FBXW11: variants seen among roughly 807,000 people sequenced by gnomAD.
FBXW11 encodes the protein F-box/WD repeat-containing protein 11.
Under a neutral mutation model 77.6 loss-of-function variants are expected in FBXW11, and 19 were observed. That is an observed-to-expected ratio of 0.24 (90% CI 0.17 to 0.36). FBXW11 has a LOEUF of 0.36. Ranked by LOEUF, FBXW11 falls within the 10% of genes least tolerant of loss-of-function variation. The pLI is 1.00. For synonymous variants in FBXW11, 235 were observed against 249.4 expected, an observed-to-expected ratio of 0.94 and a Z score of 0.54; for missense variants, 334 against 704.2, an observed-to-expected ratio of 0.47 and a Z score of 5.95.
chr5:171,960,735 TC>T (rs1367559104), intron 1 of FBXW11, among the ~76,000 whole-genome samples: 1 of 152,226 alleles, frequency 6.6e-6, no homozygotes, highest in East Asian at 1.9e-4. Flanking sequence ...AATGATATTA[TC>T]AAGGCTTTTT....
chr5:171,916,839 A>C (rs1049661575), intron 2 of FBXW11, among the ~76,000 whole-genome samples: 1 of 152,116 alleles, frequency 6.6e-6, no homozygotes, highest in Non-Finnish European at 1.5e-5. Flanking sequence ...TCCCCACCCC[A>C]TGTCTCCAGG....
chr5:171,890,637 C>T (rs1759283542), intron 7 of FBXW11, among the ~76,000 whole-genome samples: 1 of 152,092 alleles, frequency 6.6e-6, no homozygotes, highest in Admixed American at 6.5e-5. Flanking sequence ...ACGCAATGAA[C>T]TAAAAATTTA....
In FBXW11 at chr5:171,899,951, C is replaced by T; in HGVS notation, c.586G>A (p.Asp196Asn). ...KKLIERMVRT[D>N]PLWKGLSERR... ...TCTGAAAGTCCTTTCCATAGGGGATCAGTGCGTACCATTCGTTCAATCAGC... is the reference window on the plus strand; with the variant it reads ...TCTGAAAGTCCTTTCCATAGGGGATTAGTGCGTACCATTCGTTCAATCAGC... Residue 196 changes from aspartate to asparagine, a missense_variant, in exon 5 of 14, where the codon GAT (aspartate) becomes AAT (asparagine). Asp to Asn is a conservative substitution (Grantham distance 23). Coordinates refer to ENST00000517395, the MANE Select transcript of FBXW11 (RefSeq NM_001378974.1). The T allele has an allele frequency of 6.2e-7, 1 of 1,612,438 alleles. No homozygotes were observed. Among genetic ancestry groups the T allele is most frequent in the Non-Finnish European group, 8.5e-7 (1 of 1,179,116 alleles).
chr5:171,877,990 C>A, intron 8 of FBXW11, 21 bp downstream of exon 8: 1 of 1,567,892 alleles, frequency 6.4e-7, no homozygotes, highest in Non-Finnish European at 8.8e-7. Flanking sequence ...AAGTTAAGAA[C>A]AATGAAGCCA....
intron 1 of FBXW11, among the ~76,000 whole-genome samples, chr5:171,992,690 G>C (rs981632991): frequency 6.6e-6 from 1 of 151,938 alleles, no homozygotes; most frequent in African/African-American, 2.4e-5. Context: ...TATACTCTGA[G>C]TAATCATGTA....
chr5:171,987,560 C>G (rs979649251), intron 1 of FBXW11, among the ~76,000 whole-genome samples: 6 of 152,048 alleles, frequency 3.9e-5, no homozygotes, highest in Admixed American at 2.0e-4. Flanking sequence ...AAGCGATTCT[C>G]TTTGCCTCAG....
At chr5:172,005,740 T>G (rs1330825846) in intron 1 of FBXW11, among the ~76,000 whole-genome samples, 1 of 152,090 alleles carries the variant, frequency 6.6e-6, no homozygotes, top group Non-Finnish European at 1.5e-5. Flanking sequence ...AAAGCAGCTC[T>G]GGAAAACGTG....
At chr5:171,984,085 C>T (rs1158021606) in intron 1 of FBXW11, among the ~76,000 whole-genome samples, 1 of 151,872 alleles carries the variant, frequency 6.6e-6, no homozygotes, top group Non-Finnish European at 1.5e-5. Flanking sequence ...CTCTATAATC[C>T]TATTTACATA....
At chr5:171,991,602 T>C (rs772979108) in intron 1 of FBXW11, among the ~76,000 whole-genome samples, 11 of 152,226 alleles carry the variant, frequency 7.2e-5, no homozygotes, top group African/African-American at 2.4e-4. Context: ...ATCTTAACGT[T>C]TGATCCACAG....
At chr5:171,923,999 C>T (rs542183490) in intron 2 of FBXW11, among the ~76,000 whole-genome samples, 35 of 142,780 alleles carry the variant, frequency 2.5e-4, no homozygotes, top group African/African-American at 5.3e-4. Flanking sequence ...GATCTCAGCT[C>T]ACTGCAACCT....
At position 171,878,018 on chromosome 5, in the gene FBXW11, T is replaced by C; in HGVS notation, c.964A>G (p.Thr322Ala). 4 of 1,611,852 alleles carry C rather than the reference T, an allele frequency of 2.5e-6. No individual in the cohort carries two copies. Among genetic ancestry groups the C allele is most frequent in the East Asian group, 2.2e-5 (1 of 44,860 alleles). The change falls in exon 8 of 14, where the codon ACG (threonine) becomes GCG (alanine). Residue 322 changes from threonine to alanine, a missense_variant. Thr to Ala is a moderately conservative substitution (Grantham distance 58). Coordinates refer to ENST00000517395, the MANE Select transcript of FBXW11 (RefSeq NM_001378974.1). ...RVIVTGSSDS[T>A]VRVWDVNTGE... The stretch of plus-strand genomic sequence containing the variant: ...TGAAGCCAGATCACTCACCTCACCG[T>C]AGAATCTGAAGAGCCAGTTACAATG...
chr5:171,929,615 G>C (rs555442715), intron 2 of FBXW11, among the ~76,000 whole-genome samples: 4 of 152,262 alleles, frequency 2.6e-5, no homozygotes, highest in African/African-American at 9.6e-5. Context: ...ACTTTGGGAG[G>C]CCGAGGTGGG....
At chr5:171,991,197 G>A (rs1765715466) in intron 1 of FBXW11, among the ~76,000 whole-genome samples, 1 of 152,118 alleles carries the variant, frequency 6.6e-6, no homozygotes, top group South Asian at 2.1e-4. Flanking sequence ...TTGATTGACT[G>A]TAGCTATAAT....
At chr5:171,922,712 GA>G in intron 2 of FBXW11, among the ~76,000 whole-genome samples, 1 of 152,266 alleles carries the variant, frequency 6.6e-6, no homozygotes, top group Non-Finnish European at 1.5e-5. Flanking sequence ...GAGTTTGGTT[GA>G]AATTTGTTAT....
intron 12 of FBXW11, 114 bp from the exon 13 acceptor site, chr5:171,868,910 G>T: frequency 1.2e-6 from 1 of 864,108 alleles, no homozygotes; most frequent in Non-Finnish European, 1.8e-6. Flanking sequence ...CTTCCTAAAC[G>T]ACTGTACAGA....
intron 2 of FBXW11, among the ~76,000 whole-genome samples, chr5:171,922,924 T>C (rs535444877): frequency 3.3e-5 from 5 of 151,892 alleles, no homozygotes; most frequent in African/African-American, 1.2e-4. Context: ...TGTGTGTGCG[T>C]GTGTGTGTGT....
At chr5:171,871,417 G>A (rs1444141941) in intron 10 of FBXW11, among the ~76,000 whole-genome samples, 1 of 152,200 alleles carries the variant, frequency 6.6e-6, no homozygotes, top group East Asian at 1.9e-4. Context: ...AGCAGGGGAG[G>A]TGGCTGTCTC....
rs1757634757 is a variant in FBXW11 at position 171,869,684 on chromosome 5, T to C, written c.1530+45A>G. ...AGACAGGACTATCTGCAAATGGTCA[T>C]CCTCCAGCACAGGGAACCAATTCCC... On this transcript the variant is annotated intron_variant, in intron 12 of 13. Coordinates refer to ENST00000517395, the MANE Select transcript of FBXW11 (RefSeq NM_001378974.1). The surrounding 1 kb of genome is among the most constrained non-coding windows in gnomAD (Gnocchi z 4.1). 6.8e-7 allele frequency: 1 copy of C among 1,479,632 alleles called. No individual in the cohort carries two copies. Among genetic ancestry groups the C allele is most frequent in the Non-Finnish European group, 9.3e-7 (1 of 1,076,314 alleles). The allele number at this position is 1,479,632 out of a possible 1,614,324, so 91.7% of individuals were successfully genotyped here.
chr5:171,886,520 T>C (rs1484089633), intron 7 of FBXW11, among the ~76,000 whole-genome samples: 1 of 151,948 alleles, frequency 6.6e-6, no homozygotes, highest in Admixed American at 6.6e-5. Context: ...CATGTATACA[T>C]ATGTAACAAA....
Sources: allele counts gnomAD v4.1 joint callset (sites outside exome capture counted in the v4.1 genomes callset), GRCh38; gene constraint gnomAD v4.1.1; non-coding constraint Gnocchi (gnomAD v3.1); transcripts MANE v1.5; gene names NCBI Gene and HGNC (gene_info 2026-07-23, HGNC 2026-07-21).